Variants in NKAIN2 observed in about 807,000 individuals in gnomAD.
NKAIN2 encodes sodium/potassium transporting ATPase interacting 2, also known as sodium/potassium-transporting ATPase subunit beta-1-interacting protein 2.
A neutral mutation model predicts 32.6 loss-of-function variants in NKAIN2; 14 were observed. That is an observed-to-expected ratio of 0.43 (90% CI 0.28 to 0.67). NKAIN2 has a LOEUF of 0.67. Ranked by LOEUF, NKAIN2 falls within the 30% of genes least tolerant of loss-of-function variation. The pLI, the probability that NKAIN2 is intolerant of heterozygous loss-of-function variation, is 0.17. For missense variants in NKAIN2, 198 were observed against 258.3 expected, an observed-to-expected ratio of 0.77 and a Z score of 1.60; for synonymous variants, 80 against 87.2, an observed-to-expected ratio of 0.92 and a Z score of 0.46.
intron 1 of NKAIN2, among the ~76,000 whole-genome samples, chr6:124,166,373 T>C (rs2114477017): frequency 6.6e-6 from 1 of 152,226 alleles, no homozygotes; most frequent in South Asian, 2.1e-4. Context: ...TGTTTGTTTT[T>C]TTCTTGTAAA....
At chr6:124,784,241 A>G (rs1343147794) in intron 4 of NKAIN2, among the ~76,000 whole-genome samples, 2 of 152,162 alleles carry the variant, frequency 1.3e-5, no homozygotes, top group Non-Finnish European at 2.9e-5. Context: ...CACTTTACCC[A>G]GTTTCTCCAA....
intron 1 of NKAIN2, among the ~76,000 whole-genome samples, chr6:123,995,646 C>T (rs964206753): frequency 6.6e-6 from 1 of 152,148 alleles, no homozygotes; most frequent in Non-Finnish European, 1.5e-5. Context: ...TCAGCTCCAT[C>T]AGGTAAAAGT....
chr6:123,965,685 C>T (rs963860912), intron 1 of NKAIN2, among the ~76,000 whole-genome samples: 2 of 152,196 alleles, frequency 1.3e-5, no homozygotes, highest in Non-Finnish European at 1.5e-5. Flanking sequence ...GAATTATCCC[C>T]TTATCCCTAT....
chr6:123,821,991 A>G (rs1045039037), intron 1 of NKAIN2, among the ~76,000 whole-genome samples: 2 of 152,086 alleles, frequency 1.3e-5, no homozygotes, highest in Non-Finnish European at 2.9e-5. Context: ...TTCCCTTTAG[A>G]GTGAGAAAAT....
intron 3 of NKAIN2, among the ~76,000 whole-genome samples, chr6:124,613,420 G>C (rs766276297): frequency 2.6e-5 from 4 of 152,182 alleles, no homozygotes; most frequent in Non-Finnish European, 5.9e-5. Flanking sequence ...TCCTAAAGCA[G>C]TGATTTTTTG....
intron 1 of NKAIN2, among the ~76,000 whole-genome samples, chr6:124,192,739 C>G (rs967761372): frequency 2.8e-5 from 4 of 144,550 alleles, no homozygotes; most frequent in Non-Finnish European, 4.5e-5. Context: ...TTAGTTCCAT[C>G]CGTTTTTTTT....
chr6:124,009,928 T>C (rs746117658), intron 1 of NKAIN2, among the ~76,000 whole-genome samples: 25 of 152,174 alleles, frequency 1.6e-4, no homozygotes, highest in Non-Finnish European at 3.7e-4. Context: ...GTACATAATA[T>C]ATGTATGTAT....
intron 1 of NKAIN2, among the ~76,000 whole-genome samples, chr6:124,193,575 C>T (rs888923377): frequency 6.6e-6 from 1 of 152,156 alleles, no homozygotes. Flanking sequence ...AGGGCCGCAG[C>T]TCTTCTCTCC....
chr6:123,876,056 G>C (rs1329846645), intron 1 of NKAIN2, among the ~76,000 whole-genome samples: 1 of 151,924 alleles, frequency 6.6e-6, no homozygotes, highest in Non-Finnish European at 1.5e-5. Flanking sequence ...TCATTTTTTG[G>C]TGTGTTTAGC....
chr6:124,510,039 A>G (rs1158298513), intron 3 of NKAIN2, among the ~76,000 whole-genome samples: 1 of 152,178 alleles, frequency 6.6e-6, no homozygotes, highest in Non-Finnish European at 1.5e-5. Context: ...TAACACATGA[A>G]CAATTCATTT....
At chr6:124,189,873 A>G (rs1410025408) in intron 1 of NKAIN2, among the ~76,000 whole-genome samples, 1 of 152,222 alleles carries the variant, frequency 6.6e-6, no homozygotes, top group East Asian at 1.9e-4. Context: ...ATAGAAAAAC[A>G]GAATGTCAGG....
intron 1 of NKAIN2, among the ~76,000 whole-genome samples, chr6:124,237,961 G>A (rs966813721): frequency 6.6e-6 from 1 of 152,054 alleles, no homozygotes; most frequent in African/African-American, 2.4e-5. Flanking sequence ...CATAAGATGT[G>A]GTCAGAGGAT....
chr6:124,523,765 C>A (rs2114803423), intron 3 of NKAIN2, among the ~76,000 whole-genome samples: 1 of 152,156 alleles, frequency 6.6e-6, no homozygotes, highest in South Asian at 2.1e-4. Flanking sequence ...AACAATGCTC[C>A]TAAGGTTTTA....
intron 4 of NKAIN2, among the ~76,000 whole-genome samples, chr6:124,718,636 C>T (rs1434584700): frequency 6.6e-6 from 1 of 152,148 alleles, no homozygotes; most frequent in East Asian, 1.9e-4. Context: ...TTTGCAACTT[C>T]ACAGTCTACA....
chr6:124,472,594 A>G (rs191367910), intron 3 of NKAIN2, among the ~76,000 whole-genome samples: 1 of 152,116 alleles, frequency 6.6e-6, no homozygotes, highest in Admixed American at 6.6e-5. Flanking sequence ...CAGACACAGA[A>G]TGGGTTCGAG....
At chr6:123,920,856 G>C (rs1035720850) in intron 1 of NKAIN2, among the ~76,000 whole-genome samples, 1 of 152,168 alleles carries the variant, frequency 6.6e-6, no homozygotes, top group Non-Finnish European at 1.5e-5. Flanking sequence ...AAGTGTGCTA[G>C]TATCATTGCA....
At chr6:123,838,329 C>T (rs963133780) in intron 1 of NKAIN2, among the ~76,000 whole-genome samples, 3 of 151,960 alleles carry the variant, frequency 2.0e-5, no homozygotes, top group Non-Finnish European at 4.4e-5. Flanking sequence ...AAATTCTCTC[C>T]GTTATGAATC....
intron 3 of NKAIN2, among the ~76,000 whole-genome samples, chr6:124,409,308 C>A (rs1583204731): frequency 2.0e-5 from 3 of 152,212 alleles, no homozygotes; most frequent in African/African-American, 7.2e-5. Context: ...TTTGCCCATT[C>A]AGTATGATAT....
At chr6:124,047,566 C>T (rs1048635385) in intron 1 of NKAIN2, among the ~76,000 whole-genome samples, 1 of 151,974 alleles carries the variant, frequency 6.6e-6, no homozygotes, top group Non-Finnish European at 1.5e-5. Context: ...GCTTCCTCCC[C>T]GGCTATTAGG....
Sources: gnomAD v4.1 joint callset for allele counts (sites outside exome capture counted in the v4.1 genomes callset) on GRCh38, gnomAD v4.1.1 for gene constraint, MANE v1.5 for transcripts, NCBI Gene and HGNC (gene_info 2026-07-23, HGNC 2026-07-21) for gene names.